FUT9: variants seen among roughly 807,000 people sequenced by gnomAD.
The protein encoded by FUT9 is 4-galactosyl-N-acetylglucosaminide 3-alpha-L-fucosyltransferase 9.
In FUT9, 15 loss-of-function variants were observed where a neutral mutation model predicts 29.7. The ratio of observed to expected loss-of-function variants is 0.51; its 90% CI spans 0.34 to 0.78. The LOEUF (loss-of-function observed/expected upper bound fraction) is 0.78, where lower values mean the gene tolerates loss of function less well. FUT9 is among the 30% of genes least tolerant of loss of function. The pLI, the probability that FUT9 is intolerant of heterozygous loss-of-function variation, is 0.01. For synonymous variants in FUT9, 169 were observed against 153.7 expected (o/e 1.10, Z -0.74); for missense variants, 319 against 425.4 (o/e 0.75, Z 2.20).
chr6:96,200,520 T>C (rs570792837), intron 2 of FUT9, among the ~76,000 whole-genome samples: 1 of 152,146 alleles, frequency 6.6e-6, no homozygotes, highest in African/African-American at 2.4e-5. Context: ...ATGATGTGTG[T>C]AAAATGCTTG....
intron 2 of FUT9, among the ~76,000 whole-genome samples, chr6:96,186,963 G>T (rs1426076455): frequency 6.6e-6 from 1 of 152,108 alleles, no homozygotes; most frequent in Admixed American, 6.6e-5. Flanking sequence ...CACCCAGAAA[G>T]AATGTTTAAC....
intron 1 of FUT9, among the ~76,000 whole-genome samples, chr6:96,083,221 C>G (rs554746936): frequency 6.6e-5 from 10 of 151,948 alleles, no homozygotes; most frequent in African/African-American, 2.4e-4. Flanking sequence ...ACTTAAAAAA[C>G]TTGAATGAAT....
At chr6:96,025,083 A>T (rs544826287) in intron 1 of FUT9, among the ~76,000 whole-genome samples, 2 of 151,964 alleles carry the variant, frequency 1.3e-5, no homozygotes, top group South Asian at 4.1e-4. Flanking sequence ...TTCCATTGTG[A>T]GCCAAAATTC....
At chr6:96,044,283 CCTGA>C (rs1369649273) in intron 1 of FUT9, among the ~76,000 whole-genome samples, 3 of 152,144 alleles carry the variant, frequency 2.0e-5, no homozygotes, top group African/African-American at 7.2e-5. Context: ...TGTCCTTAAA[CCTGA>C]CTGTGATTCT....
At chr6:96,029,169 A>C (rs1354268639) in intron 1 of FUT9, among the ~76,000 whole-genome samples, 1 of 151,612 alleles carries the variant, frequency 6.6e-6, no homozygotes, top group East Asian at 1.9e-4. Context: ...GCTGTCATAC[A>C]AGCGATGATA....
intron 2 of FUT9, among the ~76,000 whole-genome samples, chr6:96,135,563 A>G (rs1772331627): frequency 6.6e-6 from 1 of 151,936 alleles, no homozygotes. Flanking sequence ...GGAATATAAT[A>G]ATATTATGGA....
rs1160755392 is a variant in FUT9, at chr6:96,215,214, A to T, written c.*10979A>T. 1.2e-5 allele frequency: 2 copies of T among 167,048 alleles called. No homozygotes were observed. Among genetic ancestry groups the T allele is most frequent in the Non-Finnish European group, 2.9e-5 (2 of 68,100 alleles). The allele number at this position is 167,048 out of a possible 1,614,324, so 10.3% of individuals were successfully genotyped here. A position where few individuals can be genotyped will look rare whatever the true frequency, so the allele number is the denominator to read the frequency against. The stretch of plus-strand genomic sequence containing the variant: ...AAAATCTGTATATTCAGCTATTTGG[A>T]GAACTCGTGTTTTCCACAAATTAAA... On this transcript the variant is annotated 3_prime_UTR_variant, in exon 3 of 3. Transcript: ENST00000302103.
intron 1 of FUT9, among the ~76,000 whole-genome samples, chr6:96,032,369 TTA>T (rs146051426): frequency 0.02 from 2,959 of 151,708 alleles, 106 homozygotes; most frequent in East Asian, 0.092. Context: ...TTGTTTAATT[TTA>T]TGTTTCCAAC....
chr6:96,058,138 A>C (rs1286717342), intron 1 of FUT9, among the ~76,000 whole-genome samples: 1 of 152,032 alleles, frequency 6.6e-6, no homozygotes, highest in Admixed American at 6.6e-5. Context: ...AACACAAGGC[A>C]CTTTGCGTTG....
chr6:96,176,116 T>A (rs1041832933), intron 2 of FUT9, among the ~76,000 whole-genome samples: 14 of 152,166 alleles, frequency 9.2e-5, no homozygotes, highest in African/African-American at 3.4e-4. Flanking sequence ...CTTCCCTCTC[T>A]ACCTTCAGCC....
At chr6:96,071,024 A>T (rs1010169557) in intron 1 of FUT9, among the ~76,000 whole-genome samples, 23 of 152,240 alleles carry the variant, frequency 1.5e-4, no homozygotes, top group African/African-American at 5.5e-4. Flanking sequence ...AGCACTCTCA[A>T]AATGAGTTGA....
chr6:96,122,053 T>C (rs1483371216), intron 2 of FUT9, among the ~76,000 whole-genome samples: 2 of 152,068 alleles, frequency 1.3e-5, no homozygotes, highest in Non-Finnish European at 2.9e-5. Flanking sequence ...TTTAGTAAAG[T>C]GATGGTCTGT....
At chr6:96,126,469 C>T (rs535761124) in intron 2 of FUT9, among the ~76,000 whole-genome samples, 1 of 152,322 alleles carries the variant, frequency 6.6e-6, no homozygotes, top group African/African-American at 2.4e-5. Context: ...CCGCCTCCAA[C>T]AAGATGTCAT....
chr6:96,157,923 A>T (rs368157347), intron 2 of FUT9, among the ~76,000 whole-genome samples: 2 of 152,160 alleles, frequency 1.3e-5, no homozygotes, highest in African/African-American at 2.4e-5. Flanking sequence ...ATTTGTAAAA[A>T]TGTGATTTCT....
At chr6:96,167,298 T>G (rs1205796488) in intron 2 of FUT9, among the ~76,000 whole-genome samples, 1 of 152,132 alleles carries the variant, frequency 6.6e-6, no homozygotes, top group Non-Finnish European at 1.5e-5. Context: ...CTAAATCAAA[T>G]GCCTTGGCCA....
chr6:96,105,246 A>T (rs1771656606), intron 1 of FUT9, among the ~76,000 whole-genome samples: 1 of 152,214 alleles, frequency 6.6e-6, no homozygotes, highest in Admixed American at 6.5e-5. Flanking sequence ...AATGTATTTC[A>T]TTTTTAATAA....
chr6:96,129,749 G>T (rs187713245), intron 2 of FUT9, among the ~76,000 whole-genome samples: 3 of 151,848 alleles, frequency 2.0e-5, no homozygotes, highest in Non-Finnish European at 4.4e-5. Context: ...ATATACACTT[G>T]AATTATTTAC....
At chr6:96,184,970 G>A (rs1192686929) in intron 2 of FUT9, among the ~76,000 whole-genome samples, 2 of 151,942 alleles carry the variant, frequency 1.3e-5, no homozygotes, top group Non-Finnish European at 2.9e-5. Flanking sequence ...AGATAGAAAT[G>A]CTTTTTTTTT....
Position 96,209,777 on chromosome 6 carries a change from A to G in FUT9, c.*5542A>G, listed in dbSNP as rs1773900035. On this transcript the variant is annotated 3_prime_UTR_variant, in exon 3 of 3. Transcript: ENST00000302103. The stretch of plus-strand genomic sequence containing the variant: ...CAGTTGCTTTCTGTCAGTTTTACTC[A>G]AAGCATGCTTCCTAGGTCACCTGAC... 1 of 166,824 alleles carries G rather than the reference A, an allele frequency of 6.0e-6. No individual in the cohort carries two copies. The highest frequency in any genetic ancestry group is 1.5e-5 in the Non-Finnish European group (1 of 68,038). 10.3% of individuals were successfully genotyped at this position (166,824 alleles called of 1,614,324 possible). A position where few individuals can be genotyped will look rare whatever the true frequency, so the allele number is the denominator to read the frequency against.
Sources: gnomAD v4.1 joint callset for allele counts (sites outside exome capture counted in the v4.1 genomes callset) on GRCh38, gnomAD v4.1.1 for gene constraint, MANE v1.5 for transcripts, NCBI Gene and HGNC (gene_info 2026-07-23, HGNC 2026-07-21) for gene names.